Variants in PRSS23 observed in about 807,000 individuals in gnomAD.
The protein encoded by PRSS23 is protease, serine 23.
In PRSS23, 25 loss-of-function variants were observed where a neutral mutation model predicts 34.7. The observed-to-expected ratio is 0.72, with a 90% confidence interval of 0.53 to 1.01. The LOEUF is 1.01. PRSS23 is among the 50% of genes least tolerant of loss of function. PRSS23 has a pLI of 0.00. For missense variants in PRSS23, 445 were observed against 475.6 expected (o/e 0.94, Z 0.60); for synonymous variants, 176 against 186.6 (o/e 0.94, Z 0.46).
chr11:86,884,126 C>A (rs913398975), intron 2 of PRSS23, among the ~76,000 whole-genome samples: 1 of 152,144 alleles, frequency 6.6e-6, no homozygotes, highest in Non-Finnish European at 1.5e-5. Context: ...CCCCTTCCTC[C>A]CCAGTTTTTG....
At chr11:86,802,221 T>G (rs1948048532) in intron 1 of PRSS23, among the ~76,000 whole-genome samples, 2 of 152,178 alleles carry the variant, frequency 1.3e-5, no homozygotes, top group Non-Finnish European at 2.9e-5. Context: ...TAGCAGGTTT[T>G]TTTGCACTCT....
intron 2 of PRSS23, chr11:86,939,215 C>A: frequency 3.5e-6 from 1 of 286,608 alleles, no homozygotes; most frequent in Non-Finnish European, 6.9e-6. Context: ...GTGTTTTCTC[C>A]CAAGCAAACA....
At chr11:86,829,789 G>T (rs1412581707) in intron 2 of PRSS23, among the ~76,000 whole-genome samples, 8 of 152,206 alleles carry the variant, frequency 5.3e-5, no homozygotes, top group African/African-American at 1.7e-4. Context: ...AGCAGCGGTG[G>T]CTGCAGAACA....
intron 2 of PRSS23, among the ~76,000 whole-genome samples, chr11:86,866,741 G>A (rs1939104): frequency 0.68 from 103,270 of 152,032 alleles, 36,154 homozygotes; most frequent in African/African-American, 0.84. Context: ...TGAATAGATT[G>A]ATGCCCTCTC....
intron 2 of PRSS23, among the ~76,000 whole-genome samples, chr11:86,924,498 AC>A (rs1438818776): frequency 6.6e-6 from 1 of 152,242 alleles, no homozygotes; most frequent in Non-Finnish European, 1.5e-5. Context: ...TAAATAAGAT[AC>A]TGCGCTTGCA....
rs779361467 is a variant in PRSS23 at position 86,807,943 on chromosome 11, G to A, written c.300G>A (p.Gln100=). 8 of 1,614,148 alleles carry A rather than the reference G, an allele frequency of 5.0e-6. No individual in the cohort carries two copies. Among genetic ancestry groups the A allele is most frequent in the Non-Finnish European group, 6.8e-6 (8 of 1,180,030 alleles). ...CCAATGGCAGCCGCACAGAGACGCA[G>A]GTGGGCATCTACATCCTCAGCAGTA... is the stretch of plus-strand genomic sequence containing the variant. The part of the protein sequence containing the change: ...LYANGSRTET[Q]VGIYILSSSG... Residue 100 remains glutamine, a synonymous_variant, in exon 2 of 2, where the codon CAG becomes CAA. Transcript: ENST00000280258.
intron 2 of PRSS23, among the ~76,000 whole-genome samples, chr11:86,876,912 C>G (rs1053229276): frequency 2.6e-5 from 4 of 152,156 alleles, no homozygotes; most frequent in Non-Finnish European, 5.9e-5. Flanking sequence ...TAAAAATGTG[C>G]TTCAGTCTCA....
chr11:86,888,132 CA>C (rs1435639758), intron 2 of PRSS23, among the ~76,000 whole-genome samples: 1 of 71,422 alleles, frequency 1.4e-5, no homozygotes, highest in East Asian at 3.2e-4. Flanking sequence ...AAAAACAAAA[CA>C]AAACAAAACC....
intron 2 of PRSS23, among the ~76,000 whole-genome samples, chr11:86,846,200 CT>C (rs1948485171): frequency 6.6e-6 from 1 of 152,132 alleles, no homozygotes; most frequent in Non-Finnish European, 1.5e-5. Flanking sequence ...CACACCAATT[CT>C]TTGGTGTGGC....
At chr11:86,862,284 T>C (rs536095963) in intron 2 of PRSS23, among the ~76,000 whole-genome samples, 3 of 152,110 alleles carry the variant, frequency 2.0e-5, no homozygotes, top group East Asian at 3.9e-4. Context: ...ATGTTACTCC[T>C]CATGTGACAG....
chr11:86,885,560 A>G (rs558681856), intron 2 of PRSS23, among the ~76,000 whole-genome samples: 2 of 152,342 alleles, frequency 1.3e-5, no homozygotes, highest in African/African-American at 4.8e-5. Context: ...AGTCAGTTGA[A>G]GGTCTTAACA....
rs544985458 is a variant in PRSS23 at position 86,919,072 on chromosome 11, C to T, written c.207-32144C>T. ...CCTCCACTGCCTCGCAGTTTCCAGA[C>T]ATCCGCAAAAATGCCTGGTGCACGG... On this transcript the variant is annotated intron_variant, in intron 2 of 2. Transcript: ENST00000533902. Among the ~76,000 whole-genome samples, 6 of 152,276 alleles carry T rather than the reference C, an allele frequency of 3.9e-5. No homozygotes were observed. In the South Asian group the frequency reaches 1.2e-3, roughly 32 times the overall value.
chr11:86,804,447 A>G (rs1319023252), intron 1 of PRSS23, among the ~76,000 whole-genome samples: 1 of 152,238 alleles, frequency 6.6e-6, no homozygotes, highest in African/African-American at 2.4e-5. Context: ...AAGTCTTATC[A>G]CACAAGTTAG....
At chr11:86,886,051 TTA>T (rs1267382932) in intron 2 of PRSS23, among the ~76,000 whole-genome samples, 2 of 152,204 alleles carry the variant, frequency 1.3e-5, no homozygotes, top group African/African-American at 4.8e-5. Context: ...GCTAAGTGTT[TTA>T]TATGTTATCT....
intron 2 of PRSS23, among the ~76,000 whole-genome samples, chr11:86,847,925 C>G (rs954647321): frequency 6.6e-6 from 1 of 152,152 alleles, no homozygotes; most frequent in African/African-American, 2.4e-5. Flanking sequence ...CCCACAATTA[C>G]CTCCATATTC....
Position 86,808,333 on chromosome 11 carries a change from C to T in PRSS23, c.690C>T (p.Pro230=), listed in dbSNP as rs1948132570. 6.2e-7 allele frequency: 1 copy of T among 1,614,100 alleles called. No individual in the cohort carries two copies. The highest frequency in any genetic ancestry group is 8.5e-7 in the Non-Finnish European group (1 of 1,180,040). ...QWIRVKRTHV[P]KGWIKGNAND... ...TCCGGGTGAAACGCACCCATGTGCC[C>T]AAGGGTTGGATCAAGGGCAATGCCA... Residue 230 remains proline (P), a synonymous_variant, in exon 2 of 2, where the codon CCC becomes CCT. Coordinates refer to ENST00000280258, the MANE Select transcript of PRSS23 (RefSeq NM_007173.6).
Position 86,827,278 on chromosome 11 carries a change from C to T in PRSS23, c.206+3685C>T, listed in dbSNP as rs191806450. ...TCTTCCAGATTTTCTAGTTTATTTG[C>T]GTAGAGATGTTTGTAGTATTCTCTG... On this transcript the variant is annotated intron_variant, in intron 2 of 2. Coordinates refer to the PRSS23 transcript ENST00000533902. Among the ~76,000 whole-genome samples the T allele has an allele frequency of 2.8e-3, 423 of 152,284 alleles. 4 individuals carry two copies. The highest frequency in any genetic ancestry group is 8.8e-3 in the African/African-American group (365 of 41,556).
At chr11:86,848,113 C>G (rs568444475) in intron 2 of PRSS23, among the ~76,000 whole-genome samples, 1 of 152,324 alleles carries the variant, frequency 6.6e-6, no homozygotes, top group Non-Finnish European at 1.5e-5. Flanking sequence ...ATGCCCCCTT[C>G]TCACTCTCAA....
chr11:86,799,588 G>A (rs1948006012), upstream of PRSS23, among the ~76,000 whole-genome samples: 1 of 152,092 alleles, frequency 6.6e-6, no homozygotes, highest in South Asian at 2.1e-4. Context: ...GACCGAAAAC[G>A]CTCAATACAC....
Sources: allele counts gnomAD v4.1 joint callset (sites outside exome capture counted in the v4.1 genomes callset), GRCh38; gene constraint gnomAD v4.1.1; transcripts MANE v1.5; gene names NCBI Gene and HGNC (gene_info 2026-07-23, HGNC 2026-07-21).